Variants in ME3 observed in about 807,000 individuals in gnomAD.
ME3 encodes the protein malic enzyme 3, also known as NADP-dependent malic enzyme, mitochondrial.
ME3 carries 48 observed loss-of-function variants against 68.9 expected under a neutral mutation model. The observed-to-expected ratio is 0.70, with a 90% CI of 0.55 to 0.89. The LOEUF (loss-of-function observed/expected upper bound fraction) is 0.89, where lower values mean the gene tolerates loss of function less well. Among genes scored for constraint, ME3 ranks in the 40% least tolerant of loss-of-function variants. ME3 has a pLI of 0.00. For synonymous variants in ME3, 320 were observed against 318.8 expected (o/e 1.00, Z -0.04); for missense variants, 675 against 797.4 (o/e 0.85, Z 1.85).
chr11:86,561,541 C>A (rs1957234087), intron 2 of ME3, among the ~76,000 whole-genome samples: 1 of 152,174 alleles, frequency 6.6e-6, no homozygotes, highest in South Asian at 2.1e-4. Context: ...ACTAATGTCT[C>A]CAATGTGAAT....
chr11:86,616,586 TTAAGAA>T (rs775623236), intron 2 of ME3, among the ~76,000 whole-genome samples: 12 of 152,198 alleles, frequency 7.9e-5, no homozygotes, highest in African/African-American at 2.7e-4. Context: ...CAGAAAGTGG[TTAAGAA>T]TAAGAATTCT....
intron 2 of ME3, among the ~76,000 whole-genome samples, chr11:86,647,597 G>C (rs1353050541): frequency 1.3e-5 from 2 of 151,944 alleles, no homozygotes; most frequent in African/African-American, 2.4e-5. Context: ...AAAAGCAGGG[G>C]TTGCAATACT....
At chr11:86,526,654 C>A (rs1954774350) in intron 4 of ME3, among the ~76,000 whole-genome samples, 1 of 152,154 alleles carries the variant, frequency 6.6e-6, no homozygotes, top group African/African-American at 2.4e-5. Flanking sequence ...GGCTGGGTAC[C>A]CCTGTGAGAC....
In ME3 at chr11:86,659,549, T is replaced by C. The variant is rs187366402; in HGVS notation, c.183+12213A>G. 7.2e-5 allele frequency among the ~76,000 whole-genome samples: 11 copies of C among 152,342 alleles called. 1 individual carries two copies. Among genetic ancestry groups the C allele is most frequent in the African/African-American group, 2.4e-5 (1 of 41,572 alleles). On this transcript the variant is annotated intron_variant, in intron 2 of 14. Transcript: ENST00000543262. ...ACCTCTTTGTCTTCTGGGGGGATGA[T>C]CATCTTGTGTTCCAACAGAGGAGAA...
intron 2 of ME3, among the ~76,000 whole-genome samples, chr11:86,655,085 A>G (rs1189526867): frequency 1.3e-5 from 2 of 152,220 alleles, no homozygotes; most frequent in African/African-American, 4.8e-5. Flanking sequence ...CCACTGCTCA[A>G]TGAAATAAAA....
intron 2 of ME3, among the ~76,000 whole-genome samples, chr11:86,607,266 G>A (rs1330052843): frequency 6.6e-6 from 1 of 152,122 alleles, no homozygotes; most frequent in African/African-American, 2.4e-5. Context: ...TATCCTGGCT[G>A]TAACTGGGAT....
intron 4 of ME3, among the ~76,000 whole-genome samples, chr11:86,548,214 TA>T: frequency 6.6e-6 from 1 of 152,314 alleles, no homozygotes; most frequent in South Asian, 2.1e-4. Flanking sequence ...AAGCTTTCAC[TA>T]AAAAAGTAAG....
chr11:86,544,073 T>C (rs1594377984), intron 4 of ME3, among the ~76,000 whole-genome samples: 1 of 151,672 alleles, frequency 6.6e-6, no homozygotes, highest in African/African-American at 2.4e-5. Flanking sequence ...AATAATGAAA[T>C]AAAGGCAGAA....
chr11:86,656,857 G>C (rs1187368267), intron 2 of ME3, among the ~76,000 whole-genome samples: 67 of 147,798 alleles, frequency 4.5e-4, no homozygotes, highest in Admixed American at 1.8e-3. Flanking sequence ...ATAAACATAT[G>C]AAAAAAAAAA....
At chr11:86,450,312 C>A in exon 9 of ME3, 1 of 1,614,172 alleles carries the variant, frequency 6.2e-7, no homozygotes, top group South Asian at 1.1e-5. Context: ...TCGCCTGCAC[C>A]TTGGAAAACA....
At chr11:86,575,135 T>G (rs1487993627) in intron 2 of ME3, among the ~76,000 whole-genome samples, 2 of 147,200 alleles carry the variant, frequency 1.4e-5, no homozygotes, top group East Asian at 3.9e-4. Context: ...TTCATACAGC[T>G]TCTAACATTT....
At chr11:86,604,227 T>C (rs1961257832) in intron 2 of ME3, among the ~76,000 whole-genome samples, 1 of 151,866 alleles carries the variant, frequency 6.6e-6, no homozygotes. Context: ...AGGCTGTAAA[T>C]GTTTCTTATT....
chr11:86,625,590 A>G (rs1943613890), intron 2 of ME3, among the ~76,000 whole-genome samples: 1 of 152,154 alleles, frequency 6.6e-6, no homozygotes, highest in Admixed American at 6.5e-5. Context: ...CATGTATTCA[A>G]CCATGCAATA....
At chr11:86,473,609 A>T (rs1327613043) in intron 7 of ME3, among the ~76,000 whole-genome samples, 1 of 152,138 alleles carries the variant, frequency 6.6e-6, no homozygotes, top group East Asian at 1.9e-4. Context: ...CACAGTTAGA[A>T]TGGGAAGAAG....
chr11:86,671,988 C>G (rs1185946234), intron 1 of ME3, 30 bp from the exon 2 acceptor site: 2 of 1,361,476 alleles, frequency 1.5e-6, no homozygotes, highest in African/African-American at 3.1e-5. Flanking sequence ...AAGGTCAGGG[C>G]CTCCTTCCAG....
At chr11:86,437,834 C>T (rs902050542), downstream of ME3, among the ~76,000 whole-genome samples, 2 of 146,436 alleles carry the variant, frequency 1.4e-5, no homozygotes, top group Non-Finnish European at 3.0e-5. Flanking sequence ...TTCCAGTAGA[C>T]AGAGAGAGAG....
intron 4 of ME3, among the ~76,000 whole-genome samples, chr11:86,542,765 C>A (rs764853633): frequency 5.9e-5 from 9 of 152,174 alleles, no homozygotes; most frequent in Admixed American, 1.3e-4. Context: ...CCAAACCTAG[C>A]AAGGCAGGCC....
chr11:86,639,971 C>G (rs1944566570), intron 2 of ME3, among the ~76,000 whole-genome samples: 1 of 152,136 alleles, frequency 6.6e-6, no homozygotes, highest in South Asian at 2.1e-4. Flanking sequence ...GGCATGTGAT[C>G]TCAACATCTT....
intron 8 of ME3, among the ~76,000 whole-genome samples, chr11:86,462,140 A>G (rs75651449): frequency 1.3e-5 from 2 of 152,362 alleles, no homozygotes; most frequent in East Asian, 3.9e-4. Flanking sequence ...ATATGTGAGC[A>G]CAGTCAATCC....
Sources: allele counts gnomAD v4.1 joint callset (sites outside exome capture counted in the v4.1 genomes callset), GRCh38; gene constraint gnomAD v4.1.1; transcripts MANE v1.5; gene names NCBI Gene and HGNC (gene_info 2026-07-23, HGNC 2026-07-21).